COX10: variants seen among roughly 807,000 people sequenced by gnomAD.
The protein encoded by COX10 is cytochrome c oxidase assembly factor heme A:farnesyltransferase COX10.
In COX10, 27 loss-of-function variants were observed where a neutral mutation model predicts 37.3. That is an observed-to-expected ratio of 0.72 (90% CI 0.53 to 1.00). The LOEUF is 1.00. COX10 is among the 50% of genes least tolerant of loss of function. The pLI, the probability that COX10 is intolerant of heterozygous loss-of-function variation, is 0.00. For missense variants in COX10, 475 were observed against 563.2 expected, an observed-to-expected ratio of 0.84 and a Z score of 1.59; for synonymous variants, 222 against 229.1, an observed-to-expected ratio of 0.97 and a Z score of 0.28.
chr17:14,148,601 A>G (rs1904799680), intron 4 of COX10, among the ~76,000 whole-genome samples: 1 of 152,194 alleles, frequency 6.6e-6, no homozygotes, highest in African/African-American at 2.4e-5. Context: ...TTGACTCTCT[A>G]GAAGAATGTT....
At chr17:14,204,744 C>G (rs1906643677) in intron 6 of COX10, among the ~76,000 whole-genome samples, 1 of 151,236 alleles carries the variant, frequency 6.6e-6, no homozygotes, top group Admixed American at 6.6e-5. Flanking sequence ...CACATACACG[C>G]AGGCACACAT....
At chr17:14,085,677 C>T (rs930016908) in intron 3 of COX10, among the ~76,000 whole-genome samples, 2 of 152,018 alleles carry the variant, frequency 1.3e-5, no homozygotes, top group Non-Finnish European at 2.9e-5. Flanking sequence ...CCTTATTATA[C>T]ATAGTACTAT....
chr17:14,083,015 C>T lies in COX10; in HGVS notation c.499+5959C>T, dbSNP rs533305050. ...ACTCACCTAGTGAGAGCCAGCGGAGCCGGTCACTACCACTGGCAGCAGGAA... is the reference window on the plus strand; with the variant it reads ...ACTCACCTAGTGAGAGCCAGCGGAGTCGGTCACTACCACTGGCAGCAGGAA... On this transcript the variant is annotated intron_variant, in intron 3 of 6. Transcript: ENST00000261643. 2.9e-4 allele frequency among the ~76,000 whole-genome samples: 44 copies of T among 152,302 alleles called. 1 individual carries two copies. The highest frequency in any genetic ancestry group is 1.0e-3 in the African/African-American group (42 of 41,558).
intron 3 of COX10, among the ~76,000 whole-genome samples, chr17:14,098,655 T>C (rs1289935538): frequency 6.6e-6 from 1 of 152,172 alleles, no homozygotes; most frequent in Non-Finnish European, 1.5e-5. Context: ...TAAAACTAAA[T>C]GGCCTATGAC....
chr17:14,142,352 A>G lies in COX10; in HGVS notation c.625-17525A>G, dbSNP rs374695049. On this transcript the variant is annotated intron_variant, in intron 4 of 6. Coordinates refer to ENST00000261643, the MANE Select transcript of COX10 (RefSeq NM_001303.4). ...AGACAGAAAACTGTGACACAGGCAG[A>G]CAGCCGATAAATACATAATCTATTG... 4.9e-4 allele frequency among the ~76,000 whole-genome samples: 75 copies of G among 152,344 alleles called. 1 individual carries two copies. Among genetic ancestry groups the G allele is most frequent in the Middle Eastern group, 6.8e-3 (2 of 294 alleles).
chr17:14,203,158 T>G (rs1906595232), intron 6 of COX10, among the ~76,000 whole-genome samples: 1 of 152,200 alleles, frequency 6.6e-6, no homozygotes, highest in Non-Finnish European at 1.5e-5. Flanking sequence ...GGTTAATGGA[T>G]TCAATGAATA....
At chr17:14,161,161 A>G (rs1905163512) in intron 5 of COX10, among the ~76,000 whole-genome samples, 1 of 152,204 alleles carries the variant, frequency 6.6e-6, no homozygotes, top group Non-Finnish European at 1.5e-5. Flanking sequence ...GTGTGGTGGA[A>G]GCACAACCTG....
chr17:14,075,127 A>G (rs1301368936), intron 2 of COX10, among the ~76,000 whole-genome samples: 3 of 152,230 alleles, frequency 2.0e-5, no homozygotes, highest in East Asian at 3.8e-4. Flanking sequence ...TTAAAGTCCT[A>G]TTTTACATTT....
At chr17:14,095,507 A>G (rs997702630) in intron 3 of COX10, among the ~76,000 whole-genome samples, 4 of 152,082 alleles carry the variant, frequency 2.6e-5, no homozygotes, top group African/African-American at 7.2e-5. Context: ...GTCCTTTTTA[A>G]ATGTTACCCT....
At chr17:14,081,224 G>A (rs562636185) in intron 3 of COX10, among the ~76,000 whole-genome samples, 11 of 152,272 alleles carry the variant, frequency 7.2e-5, no homozygotes, top group Non-Finnish European at 1.0e-4. Flanking sequence ...ACCTTCTGTC[G>A]GAGAGCACAG....
At chr17:14,128,305 C>T (rs996054717) in intron 4 of COX10, among the ~76,000 whole-genome samples, 3 of 151,256 alleles carry the variant, frequency 2.0e-5, no homozygotes, top group South Asian at 2.1e-4. Context: ...TTTAGTTTGT[C>T]GTATACTTAT....
Position 14,207,001 on chromosome 17 carries a change from C to T in COX10, c.1120C>T (p.Leu374=), listed in dbSNP as rs942465388. 5.0e-6 allele frequency: 8 copies of T among 1,613,964 alleles called. No homozygotes were observed. In the Admixed American group the frequency reaches 5.0e-5, roughly 10 times the overall value. Residue 374 remains leucine, a synonymous_variant, in exon 7 of 7, where the codon CTG becomes TTG. Transcript: ENST00000261643. ...LLVLSAAAPV[L]DITTWTFPIM... is the part of the protein sequence containing the mutation. Reference sequence around the variant, plus strand: ...CGTGCTGTCCGCAGCAGCCCCTGTGCTGGACATCACCACATGGACCTTCCC... The same window carrying T: ...CGTGCTGTCCGCAGCAGCCCCTGTGTTGGACATCACCACATGGACCTTCCC...
At chr17:14,112,045 G>A (rs776774791) in intron 4 of COX10, among the ~76,000 whole-genome samples, 33 of 152,224 alleles carry the variant, frequency 2.2e-4, no homozygotes, top group African/African-American at 5.3e-4. Context: ...GATTGAGCGC[G>A]TGGCTGAAGA....
At chr17:14,079,018 T>C (rs1915220088) in intron 3 of COX10, among the ~76,000 whole-genome samples, 1 of 152,166 alleles carries the variant, frequency 6.6e-6, no homozygotes, top group Non-Finnish European at 1.5e-5. Context: ...GTCTCCCTTT[T>C]CAAAACTTGG....
intron 5 of COX10, among the ~76,000 whole-genome samples, chr17:14,166,762 C>T (rs1470868202): frequency 6.6e-6 from 1 of 150,764 alleles, no homozygotes; most frequent in Non-Finnish European, 1.5e-5. Context: ...CAGGCATGTG[C>T]CACCACGCCT....
chr17:14,134,123 A>G (rs554664707), intron 4 of COX10, among the ~76,000 whole-genome samples: 1 of 151,848 alleles, frequency 6.6e-6, no homozygotes, highest in African/African-American at 2.4e-5. Flanking sequence ...TTCATAAGGT[A>G]GACTCCATGA....
intron 4 of COX10, among the ~76,000 whole-genome samples, chr17:14,129,325 A>C (rs1292362311): frequency 6.6e-6 from 1 of 151,892 alleles, no homozygotes; most frequent in Non-Finnish European, 1.5e-5. Context: ...AATGTATATA[A>C]ATAATGTAAT....
At chr17:14,127,923 GTGTA>G (rs1555536376) in intron 4 of COX10, among the ~76,000 whole-genome samples, 31 of 97,932 alleles carry the variant, frequency 3.2e-4, no homozygotes, top group East Asian at 1.1e-3. Context: ...TTAAGAGTGT[GTGTA>G]TGTGTGTGTG....
chr17:14,200,442 C>G (rs1398557886), intron 6 of COX10, among the ~76,000 whole-genome samples: 1 of 152,226 alleles, frequency 6.6e-6, no homozygotes, highest in Non-Finnish European at 1.5e-5. Flanking sequence ...CCTTGCCCCA[C>G]CTAATACAGC....
Sources: allele counts gnomAD v4.1 joint callset (sites outside exome capture counted in the v4.1 genomes callset), GRCh38; gene constraint gnomAD v4.1.1; transcripts MANE v1.5; gene names NCBI Gene and HGNC (gene_info 2026-07-23, HGNC 2026-07-21).